The following SDK1 variants were observed in gnomAD, a reference collection of about 807,000 sequenced individuals.
The protein encoded by SDK1 is protein sidekick-1.
A neutral mutation model predicts 245.5 loss-of-function variants in SDK1; 157 were observed. That is an observed-to-expected ratio of 0.64 (90% confidence interval 0.56 to 0.73). The LOEUF (loss-of-function observed/expected upper bound fraction) is 0.73, where lower values mean the gene tolerates loss of function less well. Among genes scored for constraint, SDK1 ranks in the 30% least tolerant of loss-of-function variants. The pLI, the probability that SDK1 is intolerant of heterozygous loss-of-function variation, is 0.00. For synonymous variants in SDK1, 1,647 were observed against 1,278.5 expected, an observed-to-expected ratio of 1.29 and a Z score of -6.15; for missense variants, 3,583 against 3,002.3, an observed-to-expected ratio of 1.19 and a Z score of -4.52.
intron 28 of SDK1, among the ~76,000 whole-genome samples, chr7:4,140,473 C>T (rs1779510749): frequency 6.6e-6 from 1 of 152,186 alleles, no homozygotes; most frequent in African/African-American, 2.4e-5. Flanking sequence ...CACTCTGTGT[C>T]GGTCACCTTC....
intron 8 of SDK1, among the ~76,000 whole-genome samples, chr7:3,960,369 C>T (rs1405908976): frequency 6.6e-6 from 1 of 152,258 alleles, no homozygotes; most frequent in Non-Finnish European, 1.5e-5. Flanking sequence ...AAAGCAGCCA[C>T]CTGGCTCTTG....
intron 1 of SDK1, among the ~76,000 whole-genome samples, chr7:3,562,850 C>A (rs1415173672): frequency 1.8e-5 from 1 of 55,634 alleles, no homozygotes; most frequent in Non-Finnish European, 3.5e-5. Flanking sequence ...TAAAGAGCCA[C>A]ACTGAAACAT....
At chr7:3,619,557 A>G (rs1422441297) in intron 2 of SDK1, among the ~76,000 whole-genome samples, 1 of 152,226 alleles carries the variant, frequency 6.6e-6, no homozygotes, top group Non-Finnish European at 1.5e-5. Flanking sequence ...CAAGGGCAAC[A>G]GCCCTACCCA....
At chr7:4,235,011 C>A (rs930491461) in intron 41 of SDK1, among the ~76,000 whole-genome samples, 1 of 152,138 alleles carries the variant, frequency 6.6e-6, no homozygotes, top group Non-Finnish European at 1.5e-5. Flanking sequence ...TGAACTTAAC[C>A]TTCGTCCTTT....
intron 17 of SDK1, among the ~76,000 whole-genome samples, chr7:4,029,941 G>A (rs553627152): frequency 1.3e-5 from 2 of 152,218 alleles, no homozygotes. Flanking sequence ...AACCACTAAC[G>A]TGGCAGCAGG....
intron 1 of SDK1, among the ~76,000 whole-genome samples, chr7:3,524,593 AACAG>A (rs780922485): frequency 5.3e-5 from 8 of 152,262 alleles, no homozygotes; most frequent in Middle Eastern, 3.4e-3. Context: ...GGAGAGAAAG[AACAG>A]ACAAAGGATA....
At chr7:4,105,992 A>G (rs543210872) in intron 22 of SDK1, among the ~76,000 whole-genome samples, 1 of 152,218 alleles carries the variant, frequency 6.6e-6, no homozygotes, top group East Asian at 1.9e-4. Context: ...CACCTGTTCC[A>G]ATCGACATCT....
At chr7:3,572,516 C>G (rs550120621) in intron 1 of SDK1, among the ~76,000 whole-genome samples, 5 of 151,928 alleles carry the variant, frequency 3.3e-5, no homozygotes, top group African/African-American at 1.2e-4. Context: ...CTGGCGTGTG[C>G]GAGAAAGAGC....
At chr7:4,108,758 A>T (rs995891911) in intron 22 of SDK1, among the ~76,000 whole-genome samples, 1 of 152,170 alleles carries the variant, frequency 6.6e-6, no homozygotes, top group Non-Finnish European at 1.5e-5. Context: ...TGCAACCACC[A>T]CATCTGTCTA....
At position 4,017,360 on chromosome 7, in the gene SDK1, T is replaced by G. The variant is rs1449449903; in HGVS notation, c.2602+8T>G. ...AGTACACCTTGCAGGGAGGTAAGCT[T>G]GTCTCCAAAACCACGAGGTGGCGGG... On this transcript the variant is annotated splice_region_variant and intron_variant, in intron 17 of 44. Coordinates refer to ENST00000404826, the MANE Select transcript of SDK1 (RefSeq NM_152744.4). 6.3e-7 allele frequency: 1 copy of G among 1,598,976 alleles called. No homozygotes were observed. Among genetic ancestry groups the G allele is most frequent in the Admixed American group, 1.7e-5 (1 of 58,562 alleles).
chr7:3,846,996 C>G (rs992659545), intron 5 of SDK1, among the ~76,000 whole-genome samples: 2 of 152,124 alleles, frequency 1.3e-5, no homozygotes, highest in African/African-American at 4.8e-5. Context: ...GTCCCCAGTG[C>G]CACCCCAGTG....
At chr7:3,459,750 A>G (rs907442616) in intron 1 of SDK1, among the ~76,000 whole-genome samples, 3 of 152,186 alleles carry the variant, frequency 2.0e-5, no homozygotes, top group African/African-American at 7.2e-5. Flanking sequence ...AGATGGCTCC[A>G]CTTGGTTTAG....
chr7:4,216,455 C>A (rs1003053126), intron 38 of SDK1, among the ~76,000 whole-genome samples: 1 of 152,146 alleles, frequency 6.6e-6, no homozygotes, highest in East Asian at 1.9e-4. Flanking sequence ...CTGAAAAATC[C>A]AGACTCTAAC....
At chr7:3,807,790 C>G (rs1468514018) in intron 4 of SDK1, among the ~76,000 whole-genome samples, 1 of 152,158 alleles carries the variant, frequency 6.6e-6, no homozygotes, top group Non-Finnish European at 1.5e-5. Context: ...CTTGATTGTT[C>G]ATGTTCTTTG....
rs192708947 is a variant in SDK1 at position 3,641,607 on chromosome 7, C to T, written c.566-351C>T. Among the ~76,000 whole-genome samples, 280 of 152,342 alleles carry T rather than the reference C, an allele frequency of 1.8e-3. 3 individuals carry two copies. The highest frequency in any genetic ancestry group is 6.6e-3 in the African/African-American group (275 of 41,582). On this transcript the variant is annotated intron_variant, in intron 3 of 44. Coordinates refer to ENST00000404826, the MANE Select transcript of SDK1 (RefSeq NM_152744.4). ...GCTAGGAGATGTCTGGACACATTTT[C>T]TGACAGTTTCTGAGAAAACTGCTTC...
chr7:3,846,898 C>T (rs901570346), intron 5 of SDK1, among the ~76,000 whole-genome samples: 7 of 152,044 alleles, frequency 4.6e-5, no homozygotes, highest in African/African-American at 1.7e-4. Flanking sequence ...CTGGAACTGC[C>T]CCCAGCAGGT....
chr7:3,752,646 G>A (rs573746075), intron 4 of SDK1, among the ~76,000 whole-genome samples: 2 of 152,106 alleles, frequency 1.3e-5, no homozygotes, highest in African/African-American at 4.8e-5. Context: ...TCTGATACTG[G>A]ATAGTATAAT....
intron 17 of SDK1, among the ~76,000 whole-genome samples, chr7:4,024,388 T>A (rs1193006397): frequency 6.6e-6 from 1 of 152,196 alleles, no homozygotes; most frequent in Non-Finnish European, 1.5e-5. Context: ...CCTACAAGAC[T>A]TTCTAGACCT....
intron 13 of SDK1, among the ~76,000 whole-genome samples, chr7:3,975,865 G>A (rs547508262): frequency 6.6e-6 from 1 of 152,294 alleles, no homozygotes; most frequent in South Asian, 2.1e-4. Flanking sequence ...GCCGGCGGCA[G>A]TGGTGCGGGG....
Sources: gnomAD v4.1 joint callset for allele counts (sites outside exome capture counted in the v4.1 genomes callset) on GRCh38, gnomAD v4.1.1 for gene constraint, MANE v1.5 for transcripts, NCBI Gene and HGNC (gene_info 2026-07-23, HGNC 2026-07-21) for gene names.